B3GALT1: variants seen among roughly 807,000 people sequenced by gnomAD.
B3GALT1 encodes the protein UDP-Gal:betaGlcNAc beta 1,3-galactosyltransferase, polypeptide 1.
Under a neutral mutation model 23.2 loss-of-function variants are expected in B3GALT1, and 10 were observed. The ratio of observed to expected loss-of-function variants is 0.43; its 90% CI spans 0.27 to 0.73. B3GALT1 has a LOEUF of 0.73. Among genes scored for constraint, B3GALT1 ranks in the 30% least tolerant of loss-of-function variants. The pLI, the probability that B3GALT1 is intolerant of heterozygous loss-of-function variation, is 0.21. For synonymous variants in B3GALT1, 156 were observed against 141.5 expected (o/e 1.10, Z -0.73); for missense variants, 299 against 405.4 (o/e 0.74, Z 2.25).
intron 3 of B3GALT1, among the ~76,000 whole-genome samples, chr2:167,792,021 G>A (rs1472249173): frequency 2.6e-5 from 4 of 151,792 alleles, no homozygotes; most frequent in African/African-American, 7.3e-5. Flanking sequence ...ACTTTTAAGA[G>A]GCCATTTATC....
intron 3 of B3GALT1, among the ~76,000 whole-genome samples, chr2:167,817,774 TTAGAA>T (rs1387836999): frequency 2.0e-5 from 3 of 151,716 alleles, no homozygotes; most frequent in Admixed American, 6.5e-5. Flanking sequence ...GAACAGTTAG[TTAGAA>T]TAGAACATTC....
At chr2:167,670,663 G>A (rs1174225202) in intron 3 of B3GALT1, among the ~76,000 whole-genome samples, 1 of 151,996 alleles carries the variant, frequency 6.6e-6, no homozygotes. Context: ...ATGAAATAGG[G>A]AAAACAGTAT....
chr2:167,526,683 G>T (rs1181645816), intron 2 of B3GALT1, among the ~76,000 whole-genome samples: 1 of 152,168 alleles, frequency 6.6e-6, no homozygotes, highest in Non-Finnish European at 1.5e-5. Flanking sequence ...TTACAGAAAT[G>T]TAATTTGCAT....
intron 4 of B3GALT1, among the ~76,000 whole-genome samples, chr2:167,833,208 A>T (rs1213253862): frequency 2.6e-5 from 4 of 151,798 alleles, no homozygotes; most frequent in Non-Finnish European, 5.9e-5. Flanking sequence ...GTTTCGATTC[A>T]CTCTCACTGT....
chr2:167,476,723 G>C (rs192274158), intron 1 of B3GALT1, among the ~76,000 whole-genome samples: 3 of 151,956 alleles, frequency 2.0e-5, no homozygotes, highest in Admixed American at 1.3e-4. Flanking sequence ...TGAGATAATG[G>C]CTTCCTTAAA....
chr2:167,396,960 G>T (rs1698109434), intron 1 of B3GALT1, among the ~76,000 whole-genome samples: 2 of 152,028 alleles, frequency 1.3e-5, no homozygotes, highest in Admixed American at 1.3e-4. Flanking sequence ...AATTATTTAA[G>T]AGAAGTTTTT....
intron 2 of B3GALT1, among the ~76,000 whole-genome samples, chr2:167,533,292 T>A (rs1683362125): frequency 6.6e-6 from 1 of 152,138 alleles, no homozygotes; most frequent in Admixed American, 6.5e-5. Context: ...ACGTTACCTG[T>A]AGGTTTCTCA....
chr2:167,699,053 A>T (rs1686831090), intron 3 of B3GALT1, among the ~76,000 whole-genome samples: 1 of 152,186 alleles, frequency 6.6e-6, no homozygotes, highest in South Asian at 2.1e-4. Flanking sequence ...AATTTTTAAC[A>T]TATTTTATTC....
At chr2:167,491,483 C>CTTTTTTTT (rs35378344) in intron 2 of B3GALT1, among the ~76,000 whole-genome samples, 15 of 121,978 alleles carry the variant, frequency 1.2e-4, no homozygotes, top group East Asian at 4.7e-4. Flanking sequence ...TTTACTTTTG[C>CTTTTTTTT]TTTTTTTTTT....
chr2:167,573,855 C>A (rs117689707), intron 2 of B3GALT1, among the ~76,000 whole-genome samples: 2 of 151,658 alleles, frequency 1.3e-5, no homozygotes, highest in South Asian at 4.1e-4. Flanking sequence ...TGACAAGGTG[C>A]AATTCAAGAG....
At position 167,646,967 on chromosome 2, in the gene B3GALT1, G is replaced by C. The variant is rs977355786; in HGVS notation, c.-352+1G>C. ...TTCTGGAGATCGCCTCTTTGAAAGCGTAAGTGTAAAGTTTATTTGGCTTAC... is the reference window on the plus strand; with the variant it reads ...TTCTGGAGATCGCCTCTTTGAAAGCCTAAGTGTAAAGTTTATTTGGCTTAC... On this transcript the variant is annotated splice_donor_variant, in intron 3 of 4. Coordinates refer to ENST00000392690, the MANE Select transcript of B3GALT1 (RefSeq NM_020981.4). LOFTEE classifies it low-confidence loss of function (5UTR_SPLICE). Among the ~76,000 whole-genome samples the C allele has an allele frequency of 1.4e-4, 22 of 152,104 alleles. No homozygotes were observed. The highest frequency in any genetic ancestry group is 5.3e-4 in the African/African-American group (22 of 41,414).
chr2:167,600,825 G>C (rs950041193), intron 2 of B3GALT1, among the ~76,000 whole-genome samples: 6 of 151,434 alleles, frequency 4.0e-5, no homozygotes, highest in South Asian at 2.1e-4. Context: ...ATTCTCCCCC[G>C]CCCCCCAACT....
intron 2 of B3GALT1, among the ~76,000 whole-genome samples, chr2:167,593,158 A>G (rs1049687099): frequency 6.6e-6 from 1 of 152,228 alleles, no homozygotes. Flanking sequence ...GCTGTGCAAG[A>G]ATATTATTTT....
At chr2:167,331,009 T>C (rs1053327250) in intron 1 of B3GALT1, among the ~76,000 whole-genome samples, 2 of 152,194 alleles carry the variant, frequency 1.3e-5, no homozygotes, top group Non-Finnish European at 1.5e-5. Context: ...TGTTTTTTTC[T>C]GAAGTTGTAT....
intron 3 of B3GALT1, among the ~76,000 whole-genome samples, chr2:167,762,166 C>T (rs933319133): frequency 2.6e-5 from 4 of 152,110 alleles, no homozygotes; most frequent in Admixed American, 1.3e-4. Context: ...TTTTCAACCT[C>T]TTTGTTTTGG....
intron 1 of B3GALT1, among the ~76,000 whole-genome samples, chr2:167,463,886 A>G (rs934752301): frequency 6.6e-6 from 1 of 152,208 alleles, no homozygotes; most frequent in Non-Finnish European, 1.5e-5. Context: ...AGGCATTTTT[A>G]AGATCAGACC....
At chr2:167,354,255 A>G (rs771759995) in intron 1 of B3GALT1, among the ~76,000 whole-genome samples, 1 of 152,118 alleles carries the variant, frequency 6.6e-6, no homozygotes, top group Non-Finnish European at 1.5e-5. Context: ...TCTCTCTTTC[A>G]AGTTATTACT....
chr2:167,785,837 G>A (rs1237910222), intron 3 of B3GALT1, among the ~76,000 whole-genome samples: 5 of 152,286 alleles, frequency 3.3e-5, no homozygotes, highest in South Asian at 4.1e-4. Flanking sequence ...CTCTTTGTTC[G>A]TGAAGTCCTA....
intron 1 of B3GALT1, among the ~76,000 whole-genome samples, chr2:167,487,205 C>T (rs1037161888): frequency 6.6e-6 from 1 of 152,156 alleles, no homozygotes; most frequent in African/African-American, 2.4e-5. Flanking sequence ...GTCCCACTTA[C>T]TTTGTTCAGA....
Sources: allele counts gnomAD v4.1 joint callset (sites outside exome capture counted in the v4.1 genomes callset), GRCh38; gene constraint gnomAD v4.1.1; transcripts MANE v1.5; gene names NCBI Gene and HGNC (gene_info 2026-07-23, HGNC 2026-07-21).